The following ZNF572 variants were observed in gnomAD, a reference collection of about 807,000 sequenced individuals.
ZNF572 encodes zinc finger protein 572.
ZNF572 carries 2 observed loss-of-function variants against 3.8 expected under a neutral mutation model. The observed-to-expected ratio is 0.52, with a 90% CI of 0.21 to 1.65. ZNF572 has a LOEUF of 1.65. Among genes scored for constraint, ZNF572 ranks in the 40% most tolerant of loss-of-function variants. The pLI is 0.20. For missense variants in ZNF572, 581 were observed against 633.4 expected (o/e 0.92, Z 0.89); for synonymous variants, 187 against 204.5 (o/e 0.91, Z 0.73).
At chr8:124,974,699 T>G (rs924000296) in intron 1 of ZNF572, among the ~76,000 whole-genome samples, 1 of 152,298 alleles carries the variant, frequency 6.6e-6, no homozygotes, top group Admixed American at 6.5e-5. Context: ...TTTTTCTTTT[T>G]TTTTGTTGAG....
At chr8:124,976,276 C>G (rs1814504523) in intron 2 of ZNF572, 72 bp from the exon 3 acceptor site, 1 of 1,317,220 alleles carries the variant, frequency 7.6e-7, no homozygotes, top group East Asian at 2.3e-5. Flanking sequence ...TTCCTCTCTT[C>G]CACTGCAATT....
chr8:124,975,763 G>T (rs1814498955), intron 2 of ZNF572, 44 bp downstream of exon 2: 1 of 1,505,738 alleles, frequency 6.6e-7, no homozygotes, highest in East Asian at 2.3e-5. Context: ...GAAATTTGAT[G>T]TAGAAAGAAC....
In ZNF572 at chr8:124,976,523, C is replaced by G. The variant is rs572066392; in HGVS notation, c.255C>G (p.Ser85=). ...AAGATGAGATTTGGTGTCATGATTC[C>G]TATGAGAGTGATGGCAAGTCAGAGA... ...WVQDEIWCHD[S]YESDGKSENW... is the part of the protein sequence containing the mutation. The change falls in exon 3 of 3, where the codon TCC becomes TCG. Residue 85 remains serine, a synonymous_variant. Transcript: ENST00000319286. The G allele has an allele frequency of 6.8e-6, 11 of 1,614,118 alleles. No individual in the cohort carries two copies. The African/African-American group carries it at 1.3e-4, about 20-fold the overall frequency.
Position 124,977,789 on chromosome 8 carries a change from G to T in ZNF572, c.1521G>T (p.Trp507Cys). The change falls in exon 3 of 3, where the codon TGG becomes TGT. Residue 507 changes from tryptophan to cysteine, a missense_variant. Coordinates refer to ENST00000319286, the MANE Select transcript of ZNF572 (RefSeq NM_152412.3). ...ACGTTGGGGATTTTCCTCATGAATGGACTTGGAAAAACTGTTCAGGGGAAA... is the reference window on the plus strand; with the variant it reads ...ACGTTGGGGATTTTCCTCATGAATGTACTTGGAAAAACTGTTCAGGGGAAA... ...SPDVGDFPHE[W>C]TWKNCSGEMP... is the part of the protein sequence containing the mutation. 2.5e-6 allele frequency: 4 copies of T among 1,613,592 alleles called. No individual in the cohort carries two copies. The highest frequency in any genetic ancestry group is 3.4e-6 in the Non-Finnish European group (4 of 1,179,684).
At chr8:124,976,240 T>G in intron 2 of ZNF572, 108 bp from the exon 3 acceptor site, 3 of 987,482 alleles carry the variant, frequency 3.0e-6, no homozygotes, top group Non-Finnish European at 4.3e-6. Flanking sequence ...TTATATGAAA[T>G]TATTTATGAG....
intron 2 of ZNF572, 68 bp downstream of exon 2, chr8:124,975,787 G>A: frequency 1.7e-6 from 2 of 1,208,882 alleles, no homozygotes; most frequent in South Asian, 2.5e-5. Context: ...ACACTAGAAT[G>A]AGACAAACCT....
In ZNF572 at chr8:124,978,003, G is replaced by GA; in HGVS notation, c.*147dup. The GA allele has an allele frequency of 1.0e-5, 9 of 857,670 alleles. No homozygotes were observed. The South Asian group carries it at 1.8e-4, about 17-fold the overall frequency. The allele number at this position is 857,670 out of a possible 1,614,324, so 53.1% of individuals were successfully genotyped here. On this transcript the variant is annotated 3_prime_UTR_variant, in exon 3 of 3. Coordinates refer to ENST00000319286, the MANE Select transcript of ZNF572 (RefSeq NM_152412.3). ...GTCAACCTCCCAGTTTAAAGGATGG[G>GA]AAGACCCCAATCACCAGGTTATTGG... is the stretch of plus-strand genomic sequence containing the variant.
In ZNF572 at chr8:124,978,103, T is replaced by G. The variant is rs767161656; in HGVS notation, c.*245T>G. On this transcript the variant is annotated 3_prime_UTR_variant, in exon 3 of 3. Coordinates refer to ENST00000319286, the MANE Select transcript of ZNF572 (RefSeq NM_152412.3). The stretch of plus-strand genomic sequence containing the variant: ...TTAAAAATTTAAGGTAAGATAGTAA[T>G]AGCTTCAAAAGAACACATACAGAGT... 2.2e-6 allele frequency: 1 copy of G among 462,356 alleles called. No homozygotes were observed. Among genetic ancestry groups the G allele is most frequent in the Non-Finnish European group, 3.8e-6 (1 of 265,762 alleles). 28.6% of individuals were successfully genotyped at this position (462,356 alleles called of 1,614,324 possible). A position where few individuals can be genotyped will look rare whatever the true frequency, so the allele number is the denominator to read the frequency against.
In ZNF572 at chr8:124,977,133, C is replaced by T. The variant is rs143408022; in HGVS notation, c.865C>T (p.Arg289Cys). The part of the protein sequence containing the change: ...KSFSQSSSLI[R>C]HQRTHTGEKP... ...TTTTAGTCAGAGTTCCAGCCTCATT[C>T]GCCACCAGCGGACACACACAGGTGA... Residue 289 changes from arginine (R) to cysteine (C), a missense_variant, in exon 3 of 3, where the codon CGC becomes TGC. Transcript: ENST00000319286. 295 of 1,608,620 alleles carry T rather than the reference C, an allele frequency of 1.8e-4. 1 individual carries two copies. The East Asian group carries it at 5.0e-3, about 27-fold the overall frequency.
chr8:124,973,445 C>G (rs1301804539), intron 1 of ZNF572, 29 bp downstream of exon 1: 1 of 152,216 alleles, frequency 6.6e-6, no homozygotes, highest in African/African-American at 2.4e-5. Context: ...GGAAGGGAGC[C>G]GAGGGTTGCG....
At chr8:124,974,114 C>G (rs1814474341) in intron 1 of ZNF572, among the ~76,000 whole-genome samples, 1 of 152,188 alleles carries the variant, frequency 6.6e-6, no homozygotes, top group Non-Finnish European at 1.5e-5. Flanking sequence ...CAAATCCCCA[C>G]TTGCTGAGTG....
chr8:124,975,994 A>G (rs1814500603), intron 2 of ZNF572, among the ~76,000 whole-genome samples: 1 of 152,202 alleles, frequency 6.6e-6, no homozygotes, highest in South Asian at 2.1e-4. Flanking sequence ...TAGCAAAGCT[A>G]TTGTCTAGTT....
At position 124,977,574 on chromosome 8, in the gene ZNF572, G is replaced by A. The variant is rs1404995996; in HGVS notation, c.1306G>A (p.Gly436Arg). ...GGTGATTCACCAAAGGACACATACA[G>A]GAGAGAAACCTTATAAATGTCCTGA... Reference protein sequence around the residue: ...TLVIHQRTHTGEKPYKCPDCG... With the variant: ...TLVIHQRTHTREKPYKCPDCG... Residue 436 changes from glycine (G) to arginine (R), a missense_variant, in exon 3 of 3, where the codon GGA (glycine) becomes AGA (arginine). Transcript: ENST00000319286. The A allele has an allele frequency of 2.5e-6, 4 of 1,614,074 alleles. No individual in the cohort carries two copies. Among genetic ancestry groups the A allele is most frequent in the Non-Finnish European group, 3.4e-6 (4 of 1,180,028 alleles).
At chr8:124,975,819 C>T (rs1275455967) in intron 2 of ZNF572, 100 bp downstream of exon 2, 2 of 863,496 alleles carry the variant, frequency 2.3e-6, no homozygotes, top group Admixed American at 4.5e-5. Flanking sequence ...CTTGTTCTGT[C>T]ACTTATAAGC....
In ZNF572 at chr8:124,977,102, G is replaced by A. The variant is rs1378120724; in HGVS notation, c.834G>A (p.Gly278=). The A allele has an allele frequency of 6.2e-7, 1 of 1,609,284 alleles. No homozygotes were observed. Among genetic ancestry groups the A allele is most frequent in the Non-Finnish European group, 8.5e-7 (1 of 1,179,972 alleles). The change falls in exon 3 of 3, where the codon GGG becomes GGA. Residue 278 remains glycine (G), a synonymous_variant. Coordinates refer to ENST00000319286, the MANE Select transcript of ZNF572 (RefSeq NM_152412.3). ...GEKPYKCPDC[G]KSFSQSSSLI... is the part of the protein sequence containing the mutation. Reference sequence around the variant, plus strand: ...AACCTTATAAGTGCCCTGATTGTGGGAAGAGTTTTAGTCAGAGTTCCAGCC... The same window carrying A: ...AACCTTATAAGTGCCCTGATTGTGGAAAGAGTTTTAGTCAGAGTTCCAGCC...
At chr8:124,976,125 A>G (rs146576210) in intron 2 of ZNF572, among the ~76,000 whole-genome samples, 2 of 152,342 alleles carry the variant, frequency 1.3e-5, no homozygotes, top group Non-Finnish European at 2.9e-5. Context: ...CCCTTTGCCA[A>G]TAATGATTCA....
chr8:124,973,310 G>A lies in ZNF572; in HGVS notation c.-142G>A, dbSNP rs1038506800. ...GGGTAACTTCCTGTTTCTGCCTTCC[G>A]GGTTTGAGAGTTTAGGACCCTGGGT... On this transcript the variant is annotated 5_prime_UTR_variant, in exon 1 of 3. Coordinates refer to ENST00000319286, the MANE Select transcript of ZNF572 (RefSeq NM_152412.3). The A allele has an allele frequency of 6.6e-6, 1 of 152,302 alleles. No homozygotes were observed. The highest frequency in any genetic ancestry group is 2.4e-5 in the African/African-American group (1 of 41,436). The allele number at this position is 152,302 out of a possible 1,614,324, so 9.4% of individuals were successfully genotyped here. A position where few individuals can be genotyped will look rare whatever the true frequency, so the allele number is the denominator to read the frequency against.
At chr8:124,974,892 C>T (rs563957822) in intron 1 of ZNF572, among the ~76,000 whole-genome samples, 13 of 152,208 alleles carry the variant, frequency 8.5e-5, no homozygotes, top group Middle Eastern at 3.4e-3. Flanking sequence ...GGGGTTTCAC[C>T]GCATTAGCCA....
In ZNF572 at chr8:124,976,770, T is replaced by C; in HGVS notation, c.502T>C (p.Cys168Arg). ...TTATAAATGCTCTGAGTGTGCAAAA[T>C]GTTTTTGTAACAGTTCTCACCTGAT... ...KPYKCSECAK[C>R]FCNSSHLIQH... The change falls in exon 3 of 3, where the codon TGT (cysteine) becomes CGT (arginine). Residue 168 changes from cysteine to arginine, a missense_variant. Coordinates refer to ENST00000319286, the MANE Select transcript of ZNF572 (RefSeq NM_152412.3). The C allele has an allele frequency of 9.9e-6, 16 of 1,614,158 alleles. No homozygotes were observed. The highest frequency in any genetic ancestry group is 1.4e-5 in the Non-Finnish European group (16 of 1,180,012).
Sources: gnomAD v4.1 joint callset for allele counts (sites outside exome capture counted in the v4.1 genomes callset) on GRCh38, gnomAD v4.1.1 for gene constraint, MANE v1.5 for transcripts, NCBI Gene and HGNC (gene_info 2026-07-23, HGNC 2026-07-21) for gene names.